The following RNF17 variants were observed in gnomAD, a reference collection of about 807,000 sequenced individuals.
RNF17 encodes spermatogenesis associated 23.
RNF17 carries 31 observed loss-of-function variants against 200.5 expected under a neutral mutation model. The observed-to-expected ratio is 0.15, with a 90% CI of 0.12 to 0.21. RNF17 has a LOEUF of 0.21. RNF17 is among the 10% of genes least tolerant of loss of function. The pLI is 1.00. For synonymous variants in RNF17, 606 were observed against 637.8 expected (o/e 0.95, Z 0.75); for missense variants, 1,628 against 1,905.1 (o/e 0.85, Z 2.71).
chr13:24,817,214 A>G (rs975048086), intron 15 of RNF17, among the ~76,000 whole-genome samples: 2 of 152,282 alleles, frequency 1.3e-5, no homozygotes, highest in Non-Finnish European at 2.9e-5. Context: ...AATGTTTGGT[A>G]GAATTCAGCA....
intron 25 of RNF17, 132 bp from the exon 26 acceptor site, chr13:24,858,865 AACAC>A (rs3217614): frequency 0.12 from 70,583 of 594,084 alleles, 4,741 homozygotes; most frequent in Admixed American, 0.14. Flanking sequence ...TATGTTTTAA[AACAC>A]ACACAGATTT....
intron 32 of RNF17, among the ~76,000 whole-genome samples, chr13:24,873,258 T>A (rs1461581413): frequency 6.6e-6 from 1 of 152,158 alleles, no homozygotes; most frequent in African/African-American, 2.4e-5. Flanking sequence ...CTAGCAACTC[T>A]GGGAATGGGA....
intron 3 of RNF17, among the ~76,000 whole-genome samples, chr13:24,775,672 A>G (rs913784102): frequency 2.0e-5 from 3 of 152,214 alleles, no homozygotes; most frequent in African/African-American, 4.8e-5. Context: ...TCATTTTTCC[A>G]TTGTTGTATA....
chr13:24,791,656 C>T (rs1480758713), intron 9 of RNF17, among the ~76,000 whole-genome samples: 2 of 152,076 alleles, frequency 1.3e-5, no homozygotes, highest in African/African-American at 4.8e-5. Context: ...AAATGGTCCC[C>T]TGAGAAAAGC....
intron 2 of RNF17, among the ~76,000 whole-genome samples, chr13:24,770,433 TTAAAC>T (rs1328562253): frequency 6.6e-6 from 1 of 152,218 alleles, no homozygotes; most frequent in Non-Finnish European, 1.5e-5. Context: ...TAATACTTTC[TTAAAC>T]TATCTGGAAG....
Position 24,857,326 on chromosome 13 carries a change from G to C in RNF17, c.3611-1675G>C, listed in dbSNP as rs551223920. The stretch of plus-strand genomic sequence containing the variant: ...AGTCCCATTTTTTTTGTACACCTAA[G>C]AGTGACAATGACACGTGGTTGGCAG... On this transcript the variant is annotated intron_variant, in intron 25 of 35. Coordinates refer to ENST00000255324, the MANE Select transcript of RNF17 (RefSeq NM_031277.3). 2.7e-4 allele frequency among the ~76,000 whole-genome samples: 39 copies of C among 142,714 alleles called. 1 individual carries two copies. The South Asian group carries it at 8.5e-3, about 31-fold the overall frequency. 93.6% of individuals were successfully genotyped at this position (142,714 alleles called of 152,430 possible).
chr13:24,875,424 A>T (rs1180730932), intron 33 of RNF17, among the ~76,000 whole-genome samples: 2 of 152,300 alleles, frequency 1.3e-5, no homozygotes, highest in East Asian at 3.9e-4. Context: ...GTGAGGAAAA[A>T]AAAATTAATC....
In RNF17 at chr13:24,874,198, T is replaced by C. The variant is rs1256550792; in HGVS notation, c.4532T>C (p.Ile1511Thr). Reference sequence around the variant, plus strand: ...ATTAAAGAATTTAATCCTTTATCTATCTTAGTACAATTTGTTGATTATGGA... The same window carrying C: ...ATTAAAGAATTTAATCCTTTATCTACCTTAGTACAATTTGTTGATTATGGA... The part of the protein sequence containing the change: ...VAIKEFNPLS[I>T]LVQFVDYGST... Residue 1511 changes from isoleucine to threonine, a missense_variant, in exon 33 of 36, where the codon ATC (isoleucine) becomes ACC (threonine). Physicochemically the swap from Ile to Thr is moderately conservative, Grantham distance 89. Transcript: ENST00000255324. The C allele has an allele frequency of 1.9e-6, 3 of 1,609,792 alleles. No individual in the cohort carries two copies. Among genetic ancestry groups the C allele is most frequent in the Non-Finnish European group, 2.5e-6 (3 of 1,178,082 alleles).
Position 24,846,504 on chromosome 13 carries a change from G to A in RNF17, c.3101+1425G>A, listed in dbSNP as rs564857214. On this transcript the variant is annotated intron_variant, in intron 22 of 35. Transcript: ENST00000255324. ...GATAAAATTGTACATATAGGAAACAGCTCTATCATTAAGTCTACTGGCAGA... is the reference window on the plus strand; with the variant it reads ...GATAAAATTGTACATATAGGAAACAACTCTATCATTAAGTCTACTGGCAGA... Among the ~76,000 whole-genome samples the A allele has an allele frequency of 3.9e-5, 6 of 152,300 alleles. No homozygotes were observed. The East Asian group carries it at 1.2e-3, about 29-fold the overall frequency.
Position 24,868,723 on chromosome 13 carries a change from G to T in RNF17, c.4278+7G>T. 2 of 1,333,946 alleles carry T rather than the reference G, an allele frequency of 1.5e-6. No homozygotes were observed. Among genetic ancestry groups the T allele is most frequent in the Non-Finnish European group, 1.1e-6 (1 of 926,448 alleles). 82.6% of individuals were successfully genotyped at this position (1,333,946 alleles called of 1,614,324 possible). A position where few individuals can be genotyped will look rare whatever the true frequency, so the allele number is the denominator to read the frequency against. ...CGTTGTCTCACCTAATGAAGTATGT[G>T]ATCTAAATGATTAGTTGGTGATTAA... On this transcript the variant is annotated splice_region_variant and intron_variant, in intron 31 of 35. Coordinates refer to ENST00000255324, the MANE Select transcript of RNF17 (RefSeq NM_031277.3).
At chr13:24,882,336 C>CATTA (rs1390209072), downstream of RNF17, 4 of 151,428 alleles carry the variant, frequency 2.6e-5, no homozygotes, top group African/African-American at 9.7e-5. Context: ...TGATAGATTT[C>CATTA]ATTAACAAAA....
Position 24,781,787 on chromosome 13 carries a change from C to T in RNF17, c.511-57C>T, listed in dbSNP as rs185379128. 3.9e-3 allele frequency: 5,010 copies of T among 1,291,874 alleles called. 8 individuals are homozygous for T. Among genetic ancestry groups the T allele is most frequent in the Non-Finnish European group, 4.7e-3 (4,337 of 923,118 alleles). The allele number at this position is 1,291,874 out of a possible 1,614,324, so 80.0% of individuals were successfully genotyped here. ...ACCTTTTACTTTCAAAATTCTACAA[C>T]TTCTACAAAATAAAAATTCCCAAAT... On this transcript the variant is annotated intron_variant, in intron 5 of 35. Transcript: ENST00000255324.
chr13:24,817,441 G>A (rs543080000), intron 15 of RNF17, among the ~76,000 whole-genome samples: 4 of 152,164 alleles, frequency 2.6e-5, no homozygotes, highest in Middle Eastern at 3.4e-3. Flanking sequence ...CTTCTTGGCC[G>A]GGCATGGTGG....
intron 6 of RNF17, among the ~76,000 whole-genome samples, chr13:24,782,291 T>C (rs11149213): frequency 0.23 from 35,008 of 151,884 alleles, 4,513 homozygotes; most frequent in Non-Finnish European, 0.29. Flanking sequence ...TCCTGCCACC[T>C]CAGCCTTCAA....
rs569323795 is a variant in RNF17 at position 24,860,447 on chromosome 13, A to G, written c.3775-821A>G. ...TCATTTCTTAATCTGATATCTTTCAAAGTTTATCCTGTGATTCACATTAAG... is the reference window on the plus strand; with the variant it reads ...TCATTTCTTAATCTGATATCTTTCAGAGTTTATCCTGTGATTCACATTAAG... On this transcript the variant is annotated intron_variant, in intron 26 of 35. Coordinates refer to ENST00000255324, the MANE Select transcript of RNF17 (RefSeq NM_031277.3). Among the ~76,000 whole-genome samples the G allele has an allele frequency of 8.5e-5, 13 of 152,238 alleles. No homozygotes were observed. The East Asian group carries it at 2.3e-3, about 27-fold the overall frequency.
chr13:24,832,998 G>A (rs773354018), intron 18 of RNF17, among the ~76,000 whole-genome samples: 5 of 151,992 alleles, frequency 3.3e-5, no homozygotes, highest in East Asian at 3.9e-4. Flanking sequence ...CTCCCTCCTC[G>A]GCCTCCCAAA....
Position 24,793,211 on chromosome 13 carries a change from G to T in RNF17, c.1105G>T (p.Val369Leu), listed in dbSNP as rs755002474. 2.5e-6 allele frequency: 4 copies of T among 1,614,062 alleles called. No homozygotes were observed. The South Asian group carries it at 4.4e-5, about 18-fold the overall frequency. The change falls in exon 10 of 36, where the codon GTA (valine) becomes TTA (leucine). Residue 369 changes from valine to leucine, a missense_variant. This residue lies in a region of RNF17 where 502 missense variants were observed against 501.7 expected (regional missense o/e 1.00). Transcript: ENST00000255324. ...PPPLQPETND[V>L]HLEAKNFQPQ... ...TCCTTTGCAACCTGAGACAAATGAT[G>T]TACATTTAGAAGCAAAAAACTTCCA...
the RNF17 span, among the ~76,000 whole-genome samples, chr13:24,755,082 C>A: frequency 0.058 from 8,827 of 151,940 alleles, 362 homozygotes; most frequent in Middle Eastern, 0.15. Context: ...TGTCCTTTTC[C>A]ATTTGACTGC....
chr13:24,831,761 C>A, intron 17 of RNF17, 97 bp from the exon 18 acceptor site: 1 of 1,052,700 alleles, frequency 9.5e-7, no homozygotes, highest in East Asian at 2.6e-5. Flanking sequence ...GAAATTCAAA[C>A]ATAAAGATTA....
Sources: allele counts gnomAD v4.1 joint callset (sites outside exome capture counted in the v4.1 genomes callset), GRCh38; gene constraint gnomAD v4.1.1; regional missense constraint gnomAD v4.1.1; transcripts MANE v1.5; gene names NCBI Gene and HGNC (gene_info 2026-07-23, HGNC 2026-07-21).